Variants in EYS observed in about 807,000 individuals in gnomAD.
The protein encoded by EYS is EGF-like photoreceptor maintenance factor.
Under a neutral mutation model 282.1 loss-of-function variants are expected in EYS, and 250 were observed. The observed-to-expected ratio is 0.89, with a 90% CI of 0.80 to 0.98. EYS has a LOEUF of 0.98. Among genes scored for constraint, EYS ranks in the 50% least tolerant of loss-of-function variants. The pLI, the probability that EYS is intolerant of heterozygous loss-of-function variation, is 0.00. For synonymous variants in EYS, 1,355 were observed against 1,282.9 expected, an observed-to-expected ratio of 1.06 and a Z score of -1.20; for missense variants, 4,016 against 3,709.0, an observed-to-expected ratio of 1.08 and a Z score of -2.15.
chr6:64,515,214 A>G (rs2150521876), intron 26 of EYS, among the ~76,000 whole-genome samples: 1 of 151,810 alleles, frequency 6.6e-6, no homozygotes, highest in East Asian at 1.9e-4. Context: ...TATTTTTTAC[A>G]TTTTATATGG....
chr6:64,323,740 C>T (rs1770302604), intron 29 of EYS, among the ~76,000 whole-genome samples: 1 of 151,958 alleles, frequency 6.6e-6, no homozygotes, highest in Non-Finnish European at 1.5e-5. Context: ...AGATCTTACC[C>T]AAATAAAATG....
intron 1 of EYS, among the ~76,000 whole-genome samples, chr6:65,662,358 C>CA (rs1413948600): frequency 1.3e-5 from 2 of 152,102 alleles, no homozygotes; most frequent in Non-Finnish European, 2.9e-5. Context: ...AAAGTATGAT[C>CA]ACCAGGTTAC....
intron 14 of EYS, among the ~76,000 whole-genome samples, chr6:64,961,583 G>T (rs916784991): frequency 6.6e-6 from 1 of 151,864 alleles, no homozygotes; most frequent in East Asian, 1.9e-4. Flanking sequence ...TCACCTCTCA[G>T]TCATTTATAA....
intron 31 of EYS, among the ~76,000 whole-genome samples, chr6:64,148,543 A>C (rs1214537197): frequency 6.6e-6 from 1 of 152,208 alleles, no homozygotes; most frequent in African/African-American, 2.4e-5. Context: ...TAAGTTGCTT[A>C]CAGTGAATCA....
chr6:63,862,780 A>G (rs1284222512), intron 36 of EYS, among the ~76,000 whole-genome samples: 1 of 152,106 alleles, frequency 6.6e-6, no homozygotes, highest in Non-Finnish European at 1.5e-5. Flanking sequence ...TCAGTCTATA[A>G]TGTTTTCTCT....
At chr6:64,970,931 C>T (rs1282228432) in intron 14 of EYS, among the ~76,000 whole-genome samples, 1 of 152,122 alleles carries the variant, frequency 6.6e-6, no homozygotes, top group Non-Finnish European at 1.5e-5. Context: ...GATGTGAAAA[C>T]TGCACTTCTT....
At chr6:64,027,171 C>T (rs1396031275) in intron 33 of EYS, among the ~76,000 whole-genome samples, 2 of 152,148 alleles carry the variant, frequency 1.3e-5, no homozygotes, top group Non-Finnish European at 2.9e-5. Context: ...GGGACCTTGA[C>T]TCAGATCATG....
chr6:64,834,586 A>C (rs1027827281), intron 19 of EYS, among the ~76,000 whole-genome samples: 1 of 151,772 alleles, frequency 6.6e-6, no homozygotes, highest in East Asian at 1.9e-4. Flanking sequence ...ATCTTATTGG[A>C]GGTGCTTGCT....
intron 33 of EYS, among the ~76,000 whole-genome samples, chr6:63,999,705 A>T (rs1767991099): frequency 6.6e-6 from 1 of 152,192 alleles, no homozygotes; most frequent in Non-Finnish European, 1.5e-5. Context: ...GCATGCCGCT[A>T]ATGTATCGGC....
intron 5 of EYS, among the ~76,000 whole-genome samples, chr6:65,420,874 A>T (rs1343860879): frequency 6.7e-6 from 1 of 149,886 alleles, no homozygotes; most frequent in African/African-American, 2.4e-5. Context: ...TGAAAGGAAT[A>T]TTTTTTTTTT....
intron 8 of EYS, among the ~76,000 whole-genome samples, chr6:65,362,100 A>C (rs569704856): frequency 6.6e-6 from 1 of 152,230 alleles, no homozygotes; most frequent in Admixed American, 6.6e-5. Flanking sequence ...CAAAAGTATT[A>C]CTACAAGAAC....
chr6:64,290,088 G>T (rs1295843538), intron 30 of EYS, among the ~76,000 whole-genome samples: 1 of 152,096 alleles, frequency 6.6e-6, no homozygotes, highest in Non-Finnish European at 1.5e-5. Flanking sequence ...TCTCTGACAG[G>T]ATGAGCTCAG....
chr6:63,727,706 C>CAAAAAAAAAAAAAAAAAA lies in EYS; in HGVS notation c.8072-1044_8072-1027dup, dbSNP rs1169878020. On this transcript the variant is annotated intron_variant, in intron 41 of 42. Coordinates refer to ENST00000503581, the MANE Select transcript of EYS (RefSeq NM_001142800.2). ...AGCAACATGGCGAAACACCATCTCTCAAAAAAAAAAAAAAAAAAAAAAAAA... is the reference window on the plus strand; with the variant it reads ...AGCAACATGGCGAAACACCATCTCTCAAAAAAAAAAAAAAAAAAAAAAAAAAAAAAAAAAAAAAAAAAA... Among the ~76,000 whole-genome samples, 2 of 9,520 alleles carry CAAAAAAAAAAAAAAAAAA rather than the reference C, an allele frequency of 2.1e-4. 1 individual carries two copies. Among genetic ancestry groups the CAAAAAAAAAAAAAAAAAA allele is most frequent in the Non-Finnish European group, 3.3e-4 (2 of 6,096 alleles). The allele number at this position is 9,520 out of a possible 152,430, so 6.2% of individuals were successfully genotyped here.
chr6:65,477,324 T>G (rs1185335266), intron 5 of EYS, among the ~76,000 whole-genome samples: 1 of 152,208 alleles, frequency 6.6e-6, no homozygotes, highest in Non-Finnish European at 1.5e-5. Flanking sequence ...CATGGAGTTC[T>G]ATAAATTGTC....
rs56705165 is a variant in EYS, at chr6:64,755,497, TACACACACACAC to T, written c.3443+57869_3443+57880del. 4.2e-3 allele frequency among the ~76,000 whole-genome samples: 589 copies of T among 139,006 alleles called. 3 individuals are homozygous for T. The highest frequency in any genetic ancestry group is 0.013 in the African/African-American group (468 of 37,432). 91.2% of individuals were successfully genotyped at this position (139,006 alleles called of 152,430 possible). ...AAATAAGAAATCTTGAGAACATACATACACACACACACACACACACACACACACACACACACA... is the reference window on the plus strand; with the variant it reads ...AAATAAGAAATCTTGAGAACATACATACACACACACACACACACACACACA... On this transcript the variant is annotated intron_variant, in intron 22 of 42. Transcript: ENST00000503581.
chr6:65,568,923 C>A (rs532495720), intron 2 of EYS, among the ~76,000 whole-genome samples: 2 of 152,308 alleles, frequency 1.3e-5, no homozygotes, highest in South Asian at 4.1e-4. Context: ...TTGCCTCTAA[C>A]TTCCAAACTG....
At chr6:64,083,194 C>T (rs1231513175) in intron 31 of EYS, among the ~76,000 whole-genome samples, 1 of 152,132 alleles carries the variant, frequency 6.6e-6, no homozygotes, top group African/African-American at 2.4e-5. Flanking sequence ...CAGATGTGAG[C>T]CACCATGCCC....
intron 12 of EYS, among the ~76,000 whole-genome samples, chr6:65,277,266 C>G (rs1768073987): frequency 6.6e-6 from 1 of 151,922 alleles, no homozygotes; most frequent in Non-Finnish European, 1.5e-5. Context: ...AACACCATCT[C>G]TACTAAAAAT....
chr6:65,005,098 G>A (rs74329926), intron 13 of EYS, among the ~76,000 whole-genome samples: 2,632 of 147,730 alleles, frequency 0.018, 144 homozygotes, highest in African/African-American at 0.06. Context: ...CTTGAGCTGA[G>A]CTTTCGCTTG....
Sources: gnomAD v4.1 joint callset for allele counts (sites outside exome capture counted in the v4.1 genomes callset) on GRCh38, gnomAD v4.1.1 for gene constraint, MANE v1.5 for transcripts, NCBI Gene and HGNC (gene_info 2026-07-23, HGNC 2026-07-21) for gene names.